The following RABGAP1L variants were observed in gnomAD, a reference collection of about 807,000 sequenced individuals.
RABGAP1L encodes rab GTPase-activating protein 1-like.
RABGAP1L carries 63 observed loss-of-function variants against 137.7 expected under a neutral mutation model. The ratio of observed to expected loss-of-function variants is 0.46; its 90% CI spans 0.37 to 0.56. RABGAP1L has a LOEUF of 0.56. Ranked by LOEUF, RABGAP1L falls within the 20% of genes least tolerant of loss-of-function variation. The probability of loss-of-function intolerance (pLI) is 0.00; values close to 1 mark genes in which losing one functional copy is unlikely to be tolerated. For missense variants in RABGAP1L, 1,095 were observed against 1,244.0 expected (o/e 0.88, Z 1.80); for synonymous variants, 431 against 433.7 (o/e 0.99, Z 0.08).
At chr1:174,221,718 G>A (rs906076715) in intron 3 of RABGAP1L, among the ~76,000 whole-genome samples, 1 of 152,134 alleles carries the variant, frequency 6.6e-6, no homozygotes, top group Non-Finnish European at 1.5e-5. Flanking sequence ...GGTATAATTT[G>A]ATCTAGGCTC....
intron 14 of RABGAP1L, among the ~76,000 whole-genome samples, chr1:174,660,145 T>C (rs960271237): frequency 1.3e-5 from 2 of 152,290 alleles, no homozygotes; most frequent in Admixed American, 1.3e-4. Flanking sequence ...TACACCCCTT[T>C]TGTGCTGCAA....
At chr1:174,699,682 G>A (rs1418562105) in intron 16 of RABGAP1L, 32 bp downstream of exon 16, 2 of 1,557,780 alleles carry the variant, frequency 1.3e-6, no homozygotes, top group Admixed American at 1.8e-5. Flanking sequence ...TTATCACTCA[G>A]GGATTTGTTG....
At chr1:174,808,654 CTTTCT>C (rs1689571430) in intron 18 of RABGAP1L, among the ~76,000 whole-genome samples, 2 of 149,692 alleles carry the variant, frequency 1.3e-5, no homozygotes, top group Admixed American at 6.7e-5. Context: ...GTTTTTCTTT[CTTTCT>C]TTTTTTTTTT....
At chr1:174,482,814 T>G (rs1659245482) in intron 13 of RABGAP1L, among the ~76,000 whole-genome samples, 1 of 152,200 alleles carries the variant, frequency 6.6e-6, no homozygotes, top group Non-Finnish European at 1.5e-5. Context: ...CACAGCTTTC[T>G]GATTTCTTTT....
At chr1:174,577,324 T>C (rs1456196418) in intron 13 of RABGAP1L, among the ~76,000 whole-genome samples, 1 of 150,408 alleles carries the variant, frequency 6.6e-6, no homozygotes, top group East Asian at 1.9e-4. Flanking sequence ...AATATATTTA[T>C]ATATATATAT....
intron 13 of RABGAP1L, among the ~76,000 whole-genome samples, chr1:174,421,813 G>A (rs1393921060): frequency 6.6e-6 from 1 of 152,210 alleles, no homozygotes; most frequent in Non-Finnish European, 1.5e-5. Context: ...CTGTTGCCCA[G>A]GCTGGAGTAC....
At chr1:174,864,984 G>C (rs1650950609) in intron 19 of RABGAP1L, among the ~76,000 whole-genome samples, 1 of 152,054 alleles carries the variant, frequency 6.6e-6, no homozygotes, top group African/African-American at 2.4e-5. Context: ...GGATGTGGTG[G>C]CACACACCTG....
At chr1:174,892,896 ATTTTTTT>A (rs748971722) in intron 19 of RABGAP1L, among the ~76,000 whole-genome samples, 347 of 91,878 alleles carry the variant, frequency 3.8e-3, no homozygotes, top group Admixed American at 0.018. Flanking sequence ...CACCCAGCTA[ATTTTTTT>A]TTTTTTTTTT....
At chr1:174,408,532 C>T (rs1457214322) in intron 13 of RABGAP1L, among the ~76,000 whole-genome samples, 5 of 151,768 alleles carry the variant, frequency 3.3e-5, no homozygotes, top group Non-Finnish European at 5.9e-5. Flanking sequence ...AACATGCAAA[C>T]GTGTGTCTTT....
Position 174,627,134 on chromosome 1 carries a change from G to A in RABGAP1L, c.1711-10241G>A, listed in dbSNP as rs539745766. Among the ~76,000 whole-genome samples, 6 of 152,094 alleles carry A rather than the reference G, an allele frequency of 3.9e-5. No individual in the cohort carries two copies. In the East Asian group the frequency reaches 1.2e-3, roughly 29 times the overall value. On this transcript the variant is annotated intron_variant, in intron 13 of 25. Transcript: ENST00000681986. Reference sequence around the variant, plus strand: ...GCTTATACTTTGGATTTGATAATAGGGATTAATAAAAAAAGATGCTGTCAC... The same window carrying A: ...GCTTATACTTTGGATTTGATAATAGAGATTAATAAAAAAAGATGCTGTCAC...
chr1:174,280,725 TCTGGGAAAGTAAACTAGAGG>T (rs1417577125), intron 10 of RABGAP1L, among the ~76,000 whole-genome samples: 2 of 152,082 alleles, frequency 1.3e-5, no homozygotes, highest in Non-Finnish European at 2.9e-5. Context: ...GAAACTAGAG[TCTGGGAAAGTAAACTAGAGG>T]CTGGGAAAGT....
intron 17 of RABGAP1L, among the ~76,000 whole-genome samples, chr1:174,708,093 G>A (rs905254746): frequency 1.3e-5 from 2 of 152,060 alleles, no homozygotes; most frequent in Admixed American, 6.5e-5. Context: ...TAAGGAAATC[G>A]TTGACCCTTC....
intron 13 of RABGAP1L, among the ~76,000 whole-genome samples, chr1:174,541,417 G>T (rs1665413716): frequency 6.6e-6 from 1 of 152,118 alleles, no homozygotes; most frequent in Non-Finnish European, 1.5e-5. Flanking sequence ...GTATGATATT[G>T]GCTGTGGGTT....
chr1:174,350,481 T>C, intron 11 of RABGAP1L, among the ~76,000 whole-genome samples: 1 of 92,820 alleles, frequency 1.1e-5, no homozygotes, highest in Non-Finnish European at 2.2e-5. Context: ...GCTCCCCACA[T>C]CTCAGACGAT....
At chr1:174,254,690 G>A (rs569502610) in intron 7 of RABGAP1L, among the ~76,000 whole-genome samples, 1 of 152,282 alleles carries the variant, frequency 6.6e-6, no homozygotes, top group African/African-American at 2.4e-5. Context: ...TGGCTGCATA[G>A]TATTCCGTGG....
At chr1:174,810,172 A>T (rs1689732863) in intron 18 of RABGAP1L, among the ~76,000 whole-genome samples, 1 of 152,166 alleles carries the variant, frequency 6.6e-6, no homozygotes, top group Non-Finnish European at 1.5e-5. Flanking sequence ...ATGAAAGTAG[A>T]TTTCATTCAT....
rs551990420 is a variant in RABGAP1L, at chr1:174,193,285, A to G, written c.-33-25840A>G. Among the ~76,000 whole-genome samples, 124 of 152,338 alleles carry G rather than the reference A, an allele frequency of 8.1e-4. No homozygotes were observed. In the South Asian group the frequency reaches 8.3e-3, roughly 10 times the overall value. ...GGTGGCTCACGCCTGTAATCCCAGC[A>G]CTTTGGAATGCCCAGGCGGGCAGAT... On this transcript the variant is annotated intron_variant, in intron 1 of 25. Coordinates refer to ENST00000681986, the MANE Select transcript of RABGAP1L (RefSeq NM_001366446.1).
intron 14 of RABGAP1L, among the ~76,000 whole-genome samples, chr1:174,651,415 G>T (rs1226961727): frequency 6.6e-6 from 1 of 152,118 alleles, no homozygotes; most frequent in Non-Finnish European, 1.5e-5. Flanking sequence ...TCGTTGATCT[G>T]TCTAATGTTG....
chr1:174,627,761 G>A (rs1396701890), intron 13 of RABGAP1L, among the ~76,000 whole-genome samples: 1 of 152,154 alleles, frequency 6.6e-6, no homozygotes, highest in Non-Finnish European at 1.5e-5. Context: ...TATGGGAGAT[G>A]TAACTCAGTT....
Sources: gnomAD v4.1 joint callset for allele counts (sites outside exome capture counted in the v4.1 genomes callset) on GRCh38, gnomAD v4.1.1 for gene constraint, MANE v1.5 for transcripts, NCBI Gene and HGNC (gene_info 2026-07-23, HGNC 2026-07-21) for gene names.